MTRF1: variants seen among roughly 807,000 people sequenced by gnomAD.
MTRF1 encodes the protein peptide chain release factor 1, mitochondrial.
Under a neutral mutation model 62.9 loss-of-function variants are expected in MTRF1, and 51 were observed. That is an observed-to-expected ratio of 0.81 (90% CI 0.65 to 1.02). The LOEUF (loss-of-function observed/expected upper bound fraction) is 1.02. MTRF1 is among the 50% of genes least tolerant of loss of function. The pLI is 0.00. For missense variants in MTRF1, 446 were observed against 530.0 expected (o/e 0.84, Z 1.56); for synonymous variants, 158 against 181.9 (o/e 0.87, Z 1.06).
At chr13:41,258,318 C>G (rs934293703) in intron 2 of MTRF1, among the ~76,000 whole-genome samples, 1 of 152,038 alleles carries the variant, frequency 6.6e-6, no homozygotes, top group African/African-American at 2.4e-5. Context: ...AATCTAGAAA[C>G]TAAAAGTTAA....
intron 3 of MTRF1, among the ~76,000 whole-genome samples, chr13:41,253,832 C>A (rs183388753): frequency 6.6e-6 from 1 of 152,252 alleles, no homozygotes; most frequent in East Asian, 1.9e-4. Flanking sequence ...ATGTAACCTC[C>A]CCCTTAACTT....
chr13:41,262,034 A>G (rs955969911), intron 1 of MTRF1: 1 of 152,558 alleles, frequency 6.6e-6, no homozygotes, highest in African/African-American at 2.4e-5. Flanking sequence ...AAGAAAGTTA[A>G]ATAAGAAACA....
chr13:41,234,671 C>T (rs562214758), intron 6 of MTRF1, among the ~76,000 whole-genome samples: 71 of 152,342 alleles, frequency 4.7e-4, no homozygotes, highest in Non-Finnish European at 6.8e-4. Context: ...AATTTGCCTA[C>T]TCACTAAAAT....
intron 8 of MTRF1, among the ~76,000 whole-genome samples, chr13:41,226,039 T>G (rs1174551129): frequency 6.6e-6 from 1 of 152,150 alleles, no homozygotes; most frequent in East Asian, 1.9e-4. Flanking sequence ...CCCAGTTTTT[T>G]GCAGTGCCAT....
the MTRF1 span, among the ~76,000 whole-genome samples, chr13:41,292,007 T>A: frequency 6.6e-6 from 1 of 152,232 alleles, no homozygotes; most frequent in Admixed American, 6.5e-5. Flanking sequence ...CTTGGAGCAA[T>A]AATATAAGGA....
the MTRF1 span, among the ~76,000 whole-genome samples, chr13:41,302,054 T>C: frequency 6.6e-6 from 1 of 151,810 alleles, no homozygotes; most frequent in South Asian, 2.1e-4. Context: ...TGAGATGGAG[T>C]CTCCCTCTGT....
the MTRF1 span, among the ~76,000 whole-genome samples, chr13:41,302,704 T>G: frequency 6.6e-6 from 1 of 151,818 alleles, no homozygotes; most frequent in East Asian, 1.9e-4. Flanking sequence ...TAAACTACTT[T>G]TTGTAGAGAT....
At chr13:41,234,394 G>A (rs545625036) in intron 6 of MTRF1, among the ~76,000 whole-genome samples, 1 of 152,212 alleles carries the variant, frequency 6.6e-6, no homozygotes, top group African/African-American at 2.4e-5. Context: ...GCCCAGGCTG[G>A]TCTTGAACTC....
At chr13:41,247,170 G>A (rs1402732735) in intron 5 of MTRF1, among the ~76,000 whole-genome samples, 1 of 152,216 alleles carries the variant, frequency 6.6e-6, no homozygotes, top group East Asian at 1.9e-4. Flanking sequence ...CAGCTGTCGA[G>A]AGGTATCAGT....
At chr13:41,298,318 C>A in the MTRF1 span, among the ~76,000 whole-genome samples, 3 of 5,308 alleles carry the variant, frequency 5.7e-4, no homozygotes, top group Non-Finnish European at 1.1e-3. Flanking sequence ...GTTACACATG[C>A]CAGTTCTTCG....
At chr13:41,306,361 G>A in the MTRF1 span, among the ~76,000 whole-genome samples, 2 of 151,256 alleles carry the variant, frequency 1.3e-5, no homozygotes, top group South Asian at 2.1e-4. Flanking sequence ...TCCAGCCTGG[G>A]ACACGGAGTG....
chr13:41,290,966 CATGCCTGTAATCCCAGCT>C, the MTRF1 span, among the ~76,000 whole-genome samples: 1 of 151,168 alleles, frequency 6.6e-6, no homozygotes. Flanking sequence ...CGTGATGGTG[CATGCCTGTAATCCCAGCT>C]ACTCGGGAGG....
intron 9 of MTRF1, among the ~76,000 whole-genome samples, chr13:41,219,002 G>GT (rs1453035491): frequency 6.6e-6 from 1 of 152,180 alleles, no homozygotes; most frequent in African/African-American, 2.4e-5. Flanking sequence ...TAAAATCAGT[G>GT]TGACTAGGCC....
chr13:41,250,898 T>G (rs1019385095), intron 5 of MTRF1, among the ~76,000 whole-genome samples: 1 of 152,338 alleles, frequency 6.6e-6, no homozygotes, highest in African/African-American at 2.4e-5. Context: ...TGAATGAGTA[T>G]CACAGTCTTC....
At chr13:41,289,652 T>C in the MTRF1 span, among the ~76,000 whole-genome samples, 1 of 152,218 alleles carries the variant, frequency 6.6e-6, no homozygotes, top group African/African-American at 2.4e-5. Flanking sequence ...TGGTCACTGT[T>C]TGATGGTCTG....
At position 41,217,222 on chromosome 13, in the gene MTRF1, A is replaced by C. The variant is rs1350492828; in HGVS notation, c.1231T>G (p.Leu411Val). Reference protein sequence around the residue: ...AYEVRDIKEFLCGGKGLDQLI... With the variant: ...AYEVRDIKEFVCGGKGLDQLI... ...TGATCCAGGCCCTTCCCACCACATA[A>C]AAATTCCTGGTAAAAGAGAGAGCTA... The change falls in exon 10 of 10, where the codon TTA (leucine) becomes GTA (valine). Residue 411 changes from leucine (L) to valine (V), a missense_variant. Coordinates refer to ENST00000379480, the MANE Select transcript of MTRF1 (RefSeq NM_004294.4). 6.3e-7 allele frequency: 1 copy of C among 1,595,606 alleles called. No homozygotes were observed. Among genetic ancestry groups the C allele is most frequent in the South Asian group, 1.1e-5 (1 of 87,722 alleles).
At chr13:41,299,707 G>A in the MTRF1 span, among the ~76,000 whole-genome samples, 1 of 151,602 alleles carries the variant, frequency 6.6e-6, no homozygotes, top group Non-Finnish European at 1.5e-5. Context: ...ATTGAACTGA[G>A]CTTCACAATC....
At chr13:41,311,003 G>C in the MTRF1 span, among the ~76,000 whole-genome samples, 3 of 152,206 alleles carry the variant, frequency 2.0e-5, no homozygotes, top group Non-Finnish European at 4.4e-5. Flanking sequence ...CAATAAGTAG[G>C]AGTCTTATGA....
At chr13:41,255,108 C>A (rs1466144607) in intron 2 of MTRF1, among the ~76,000 whole-genome samples, 1 of 152,174 alleles carries the variant, frequency 6.6e-6, no homozygotes, top group African/African-American at 2.4e-5. Context: ...TGTAACTCAG[C>A]ATACTGTGAC....
Sources: gnomAD v4.1 joint callset for allele counts (sites outside exome capture counted in the v4.1 genomes callset) on GRCh38, gnomAD v4.1.1 for gene constraint, MANE v1.5 for transcripts, NCBI Gene and HGNC (gene_info 2026-07-23, HGNC 2026-07-21) for gene names.